The following RGPD2 variants were observed in gnomAD, a reference collection of about 807,000 sequenced individuals.
RGPD2 encodes the protein RANBP2 like and GRIP domain containing 2.
A neutral mutation model predicts 36.0 loss-of-function variants in RGPD2; 2 were observed. The ratio of observed to expected loss-of-function variants is 0.06; its 90% confidence interval spans 0.02 to 0.17. The LOEUF (loss-of-function observed/expected upper bound fraction) is 0.17, where lower values mean the gene tolerates loss of function less well. Ranked by LOEUF, RGPD2 falls within the 10% of genes least tolerant of loss-of-function variation. The pLI is 1.00. For missense variants in RGPD2, 40 were observed against 464.3 expected, an observed-to-expected ratio of 0.09 and a Z score of 8.40; for synonymous variants, 19 against 163.8, an observed-to-expected ratio of 0.12 and a Z score of 6.75.
intron 1 of RGPD2, among the ~76,000 whole-genome samples, chr2:87,824,768 C>CCG (rs1686578454): frequency 4.2e-5 from 5 of 119,444 alleles, no homozygotes; most frequent in African/African-American, 9.2e-5. Context: ...GCCGCCGCCG[C>CCG]CCGGCCAGGC....
the RGPD2 span, among the ~76,000 whole-genome samples, chr2:87,839,521 T>C: frequency 6.6e-6 from 1 of 151,904 alleles, no homozygotes; most frequent in Admixed American, 6.6e-5. Flanking sequence ...GAAATCAACA[T>C]AGATGCCCAT....
the RGPD2 span, among the ~76,000 whole-genome samples, chr2:87,974,774 C>T: frequency 6.6e-6 from 1 of 152,222 alleles, no homozygotes; most frequent in Non-Finnish European, 1.5e-5. Flanking sequence ...CCAGCCACCA[C>T]TAAATCCTAC....
At chr2:87,984,772 T>C in the RGPD2 span, among the ~76,000 whole-genome samples, 15 of 150,126 alleles carry the variant, frequency 1.0e-4, no homozygotes, top group African/African-American at 2.2e-4. Flanking sequence ...CTACTAAAAA[T>C]ACAAAAAATT....
At chr2:87,827,305 T>C (rs549995803), upstream of RGPD2, among the ~76,000 whole-genome samples, 3 of 152,278 alleles carry the variant, frequency 2.0e-5, no homozygotes, top group African/African-American at 7.2e-5. Flanking sequence ...CAAAGATAAT[T>C]TTGTTATATC....
At chr2:87,882,380 A>G in the RGPD2 span, among the ~76,000 whole-genome samples, 2 of 152,242 alleles carry the variant, frequency 1.3e-5, no homozygotes, top group African/African-American at 4.8e-5. Flanking sequence ...GTGGATTCTT[A>G]GCACCTTTGT....
chr2:87,854,396 T>TG, the RGPD2 span, among the ~76,000 whole-genome samples: 1 of 111,210 alleles, frequency 9.0e-6, no homozygotes, highest in Middle Eastern at 3.8e-3. Flanking sequence ...TGTGAGCCAC[T>TG]GGGCCCGGTC....
the RGPD2 span, among the ~76,000 whole-genome samples, chr2:87,878,310 C>T: frequency 0.028 from 2,694 of 96,776 alleles, 19 homozygotes; most frequent in Middle Eastern, 0.039. Context: ...CTTTGCTTGG[C>T]CTATTCTGCT....
intron 1 of RGPD2, chr2:87,824,861 A>AGGCCGC (rs1488385536): frequency 2.9e-3 from 115 of 39,826 alleles, no homozygotes; most frequent in Non-Finnish European, 5.2e-3. Flanking sequence ...GCCGAGGCCG[A>AGGCCGC]GGCCGCCGCC....
At chr2:87,976,697 TG>T in the RGPD2 span, among the ~76,000 whole-genome samples, 1 of 151,304 alleles carries the variant, frequency 6.6e-6, no homozygotes. Context: ...ATGAAAGCCC[TG>T]TTGCAAATGA....
chr2:87,866,592 C>A, the RGPD2 span, among the ~76,000 whole-genome samples: 2 of 152,266 alleles, frequency 1.3e-5, no homozygotes, highest in Non-Finnish European at 2.9e-5. Context: ...GAGGTGCGAT[C>A]CCCACCTCTA....
At chr2:87,952,515 T>C in the RGPD2 span, among the ~76,000 whole-genome samples, 6 of 152,246 alleles carry the variant, frequency 3.9e-5, no homozygotes, top group Non-Finnish European at 5.9e-5. Flanking sequence ...CTAAGATAAG[T>C]ATATGTAATT....
the RGPD2 span, among the ~76,000 whole-genome samples, chr2:87,927,615 A>G: frequency 0.28 from 41,761 of 150,224 alleles, 6,105 homozygotes; most frequent in Non-Finnish European, 0.32. Flanking sequence ...ACATCTACAG[A>G]TATGTTTTGC....
At chr2:87,906,656 G>T in the RGPD2 span, among the ~76,000 whole-genome samples, 1 of 148,148 alleles carries the variant, frequency 6.8e-6, no homozygotes, top group African/African-American at 2.5e-5. Flanking sequence ...CCTCATAGGA[G>T]GTACCTCTTG....
the RGPD2 span, among the ~76,000 whole-genome samples, chr2:87,931,956 G>GATAA: frequency 1.3e-5 from 2 of 150,424 alleles, no homozygotes; most frequent in Non-Finnish European, 3.0e-5. Context: ...GCGTTCCATA[G>GATAA]ATAAATATCA....
the RGPD2 span, among the ~76,000 whole-genome samples, chr2:87,957,088 A>T: frequency 2.6e-5 from 4 of 151,958 alleles, no homozygotes; most frequent in Middle Eastern, 3.4e-3. Flanking sequence ...TTTAATTTGC[A>T]ACAGAGTGTG....
chr2:87,917,189 G>T, the RGPD2 span, among the ~76,000 whole-genome samples: 41,281 of 150,686 alleles, frequency 0.27, 5,915 homozygotes, highest in Non-Finnish European at 0.31. Flanking sequence ...AAAAGGAAAA[G>T]GTAGGAGGTA....
the RGPD2 span, among the ~76,000 whole-genome samples, chr2:87,883,815 G>A: frequency 1.4e-4 from 21 of 152,148 alleles, no homozygotes; most frequent in East Asian, 3.8e-4. Context: ...ATAATAAATC[G>A]AAAGGAGACA....
At chr2:87,957,237 G>T in the RGPD2 span, among the ~76,000 whole-genome samples, 7 of 7,478 alleles carry the variant, frequency 9.4e-4, no homozygotes, top group Non-Finnish European at 1.7e-3. Flanking sequence ...CAAGGTCACT[G>T]GGGGGGGGCT....
At chr2:87,963,833 C>CTTTT in the RGPD2 span, among the ~76,000 whole-genome samples, 1 of 73,688 alleles carries the variant, frequency 1.4e-5, no homozygotes, top group Non-Finnish European at 2.7e-5. Flanking sequence ...TTCTTTCTTT[C>CTTTT]TTTCTTTTTT....
Sources: allele counts gnomAD v4.1 joint callset (sites outside exome capture counted in the v4.1 genomes callset), GRCh38; gene constraint gnomAD v4.1.1; transcripts MANE v1.5; gene names NCBI Gene and HGNC (gene_info 2026-07-23, HGNC 2026-07-21).